CCDC90B: variants seen among roughly 807,000 people sequenced by gnomAD.
CCDC90B encodes the protein coiled-coil domain-containing protein 90B, mitochondrial.
In CCDC90B, 24 loss-of-function variants were observed where a neutral mutation model predicts 37.0. That is an observed-to-expected ratio of 0.65 (90% CI 0.47 to 0.91). The LOEUF is 0.91. CCDC90B is among the 40% of genes least tolerant of loss of function. The pLI is 0.00. For missense variants in CCDC90B, 319 were observed against 299.0 expected, an observed-to-expected ratio of 1.07 and a Z score of -0.49; for synonymous variants, 113 against 101.1, an observed-to-expected ratio of 1.12 and a Z score of -0.71.
chr11:83,274,185 A>AT (rs1181853921), intron 4 of CCDC90B, 193 bp from the exon 5 acceptor site: 8 of 406,472 alleles, frequency 2.0e-5, no homozygotes, highest in African/African-American at 1.4e-4. Context: ...AGCAAAATGC[A>AT]TTTGTTTTTA....
rs192492352 is a variant in CCDC90B, at chr11:83,265,518, G to A, written c.709+347C>T. ...CACATGCTTTTTCTATTAGTCAGCT[G>A]CAGAGTTGCCTGCTAAACTTAGATT... On this transcript the variant is annotated intron_variant, in intron 8 of 8. Coordinates refer to ENST00000529689, the MANE Select transcript of CCDC90B (RefSeq NM_021825.5). Among the ~76,000 whole-genome samples the A allele has an allele frequency of 9.9e-5, 15 of 152,110 alleles. No homozygotes were observed. The East Asian group carries it at 2.9e-3, about 29-fold the overall frequency.
Position 83,260,346 on chromosome 11 carries a change from G to A in CCDC90B, c.*1565C>T, listed in dbSNP as rs1863871986. 1 of 152,154 alleles carries A rather than the reference G, an allele frequency of 6.6e-6. No individual in the cohort carries two copies. The highest frequency in any genetic ancestry group is 1.5e-5 in the Non-Finnish European group (1 of 68,036). 9.4% of individuals were successfully genotyped at this position (152,154 alleles called of 1,614,324 possible). A position where few individuals can be genotyped will look rare whatever the true frequency, so the allele number is the denominator to read the frequency against. On this transcript the variant is annotated 3_prime_UTR_variant, in exon 9 of 9. Transcript: ENST00000529689. The stretch of plus-strand genomic sequence containing the variant: ...CATATTGGTTAACTGAACAAATGCA[G>A]TATACTTTGTTACAGTGGACTTTAA...
rs199605200 is a variant in CCDC90B, at chr11:83,265,932, G to A, written c.642C>T (p.Asp214=). The change falls in exon 8 of 9, where the codon GAC becomes GAT. Residue 214 remains aspartate, a synonymous_variant. Transcript: ENST00000529689. ...GTGTTTTTAAGGAAGCAATTTCAGCGTCAATTTTATTACTGGTCTCTGAAA... is the reference window on the plus strand; with the variant it reads ...GTGTTTTTAAGGAAGCAATTTCAGCATCAATTTTATTACTGGTCTCTGAAA... The part of the protein sequence containing the change: ...SIISETSNKI[D]AEIASLKTLM... 90 of 1,611,872 alleles carry A rather than the reference G, an allele frequency of 5.6e-5. No individual in the cohort carries two copies. The highest frequency in any genetic ancestry group is 6.7e-5 in the Non-Finnish European group (79 of 1,178,620).
At chr11:83,264,131 CAT>C (rs1168738133) in intron 8 of CCDC90B, among the ~76,000 whole-genome samples, 1 of 152,102 alleles carries the variant, frequency 6.6e-6, no homozygotes, top group Admixed American at 6.5e-5. Flanking sequence ...AACGTTAACA[CAT>C]ATATATGGCT....
rs148613113 is a variant in CCDC90B, at chr11:83,270,529, G to A, written c.594+3118C>T. On this transcript the variant is annotated intron_variant, in intron 7 of 8. Transcript: ENST00000529689. ...TAACAGACAAACAGAGTCAAATCAT[G>A]AGTGAACTCCCATTCACAATTGCTA... Among the ~76,000 whole-genome samples, 79 of 152,258 alleles carry A rather than the reference G, an allele frequency of 5.2e-4. 1 individual carries two copies. The East Asian group carries it at 9.2e-3, about 18-fold the overall frequency.
chr11:83,285,459 CA>C, intron 1 of CCDC90B: 2 of 1,116,046 alleles, frequency 1.8e-6, no homozygotes, highest in Non-Finnish European at 1.1e-6. Flanking sequence ...TGCTGTCTAC[CA>C]AAAACCTGGG....
At chr11:83,285,434 G>A in intron 1 of CCDC90B, 1 of 1,122,778 alleles carries the variant, frequency 8.9e-7, no homozygotes, top group Non-Finnish European at 1.1e-6. Context: ...GGCAGACGTG[G>A]CCTGAAATTT....
chr11:83,283,911 G>A (rs543806), intron 1 of CCDC90B, among the ~76,000 whole-genome samples: 66,273 of 151,972 alleles, frequency 0.44, 14,842 homozygotes, highest in African/African-American at 0.54. Context: ...GCAGGGAGCC[G>A]AGATGGCGCC....
At chr11:83,271,934 C>T (rs1349484998) in intron 7 of CCDC90B, among the ~76,000 whole-genome samples, 1 of 152,112 alleles carries the variant, frequency 6.6e-6, no homozygotes, top group Non-Finnish European at 1.5e-5. Context: ...ACTATGCAGC[C>T]ATAAAAAAGG....
At chr11:83,284,912 T>C (rs915234405) in intron 1 of CCDC90B, among the ~76,000 whole-genome samples, 1 of 152,208 alleles carries the variant, frequency 6.6e-6, no homozygotes, top group African/African-American at 2.4e-5. Flanking sequence ...AATGTGTATG[T>C]ATGCTAAACA....
At chr11:83,262,383 AT>A (rs1459248456) in intron 8 of CCDC90B, among the ~76,000 whole-genome samples, 1 of 152,150 alleles carries the variant, frequency 6.6e-6, no homozygotes, top group Non-Finnish European at 1.5e-5. Context: ...TTTTCAGTAC[AT>A]TTTTAAATAA....
chr11:83,286,222 G>A lies in CCDC90B; in HGVS notation c.-250C>T. 1 of 1,514,418 alleles carries A rather than the reference G, an allele frequency of 6.6e-7. No individual in the cohort carries two copies. Among genetic ancestry groups the A allele is most frequent in the Non-Finnish European group, 8.9e-7 (1 of 1,129,350 alleles). 93.8% of individuals were successfully genotyped at this position (1,514,418 alleles called of 1,614,324 possible). On this transcript the variant is annotated 5_prime_UTR_variant, in exon 1 of 9. Coordinates refer to ENST00000529689, the MANE Select transcript of CCDC90B (RefSeq NM_021825.5). Reference sequence around the variant, plus strand: ...CAGCGCCCCTTCCCGACCTTTGAACGCCTTCACCGCCCTAGGAAAGCGAGA... The same window carrying A: ...CAGCGCCCCTTCCCGACCTTTGAACACCTTCACCGCCCTAGGAAAGCGAGA...
chr11:83,271,976 G>A (rs1448786151), intron 7 of CCDC90B, among the ~76,000 whole-genome samples: 1 of 152,204 alleles, frequency 6.6e-6, no homozygotes, highest in African/African-American at 2.4e-5. Context: ...GGACATGGAT[G>A]AAGCCAGAAA....
chr11:83,279,274 C>G (rs943921852), intron 2 of CCDC90B, among the ~76,000 whole-genome samples: 2 of 151,362 alleles, frequency 1.3e-5, no homozygotes, highest in Admixed American at 6.6e-5. Context: ...GAGCGAGACT[C>G]TGTCTCAAAA....
intron 1 of CCDC90B, chr11:83,285,539 C>G: frequency 8.4e-7 from 1 of 1,188,422 alleles, no homozygotes; most frequent in Non-Finnish European, 1.0e-6. Context: ...AGGACACCCT[C>G]AAACACAGAT....
chr11:83,280,190 CCTTTG>C lies in CCDC90B; in HGVS notation c.166_170del (p.Gln56GlufsTer5). ...ATGCATGGGTATCAAAAGTTAATTT[CCTTTG>C]TTCTAAAGGAGTTATATCCACTGGC... is the stretch of plus-strand genomic sequence containing the variant. On this transcript the variant is annotated frameshift_variant, in exon 2 of 9. Coordinates refer to ENST00000529689, the MANE Select transcript of CCDC90B (RefSeq NM_021825.5). LOFTEE classifies it high-confidence loss of function. 1 of 1,613,222 alleles carries C rather than the reference CCTTTG, an allele frequency of 6.2e-7. No homozygotes were observed. The highest frequency in any genetic ancestry group is 1.8e-4 in the Middle Eastern group (1 of 5,672).
intron 3 of CCDC90B, among the ~76,000 whole-genome samples, chr11:83,277,649 A>AT (rs1461175134): frequency 1.3e-5 from 2 of 150,768 alleles, no homozygotes; most frequent in South Asian, 2.1e-4. Flanking sequence ...TGCCCGGCTA[A>AT]TTTTTGTTTT....
chr11:83,265,880 T>C lies in CCDC90B; in HGVS notation c.694A>G (p.Ile232Val). 1.9e-6 allele frequency: 3 copies of C among 1,603,130 alleles called. No individual in the cohort carries two copies. The highest frequency in any genetic ancestry group is 2.6e-6 in the Non-Finnish European group (3 of 1,172,630). The change falls in exon 8 of 9, where the codon ATT becomes GTT. Residue 232 changes from isoleucine to valine, a missense_variant. By Grantham distance (29) the Ile-to-Val change is conservative (BLOSUM62 3). Transcript: ENST00000529689. ...TLMESNKLET[I>V]RYLAASVFTC... ...ACAGTCTTACCTGCAAGATAACGAA[T>C]TGTCTCAAGTTTGTTAGATTCCATC...
chr11:83,276,090 G>T (rs1329072346), intron 3 of CCDC90B, among the ~76,000 whole-genome samples: 1 of 152,076 alleles, frequency 6.6e-6, no homozygotes, highest in Non-Finnish European at 1.5e-5. Context: ...GCTGACTCAT[G>T]CCTTTTCTAA....
Sources: gnomAD v4.1 joint callset for allele counts (sites outside exome capture counted in the v4.1 genomes callset) on GRCh38, gnomAD v4.1.1 for gene constraint, MANE v1.5 for transcripts, NCBI Gene and HGNC (gene_info 2026-07-23, HGNC 2026-07-21) for gene names.